Variants in PCDHGB2 observed in about 807,000 individuals in gnomAD.
PCDHGB2 encodes protocadherin gamma-B2.
A neutral mutation model predicts 59.3 loss-of-function variants in PCDHGB2; 55 were observed. The ratio of observed to expected loss-of-function variants is 0.93; its 90% CI spans 0.75 to 1.16. The LOEUF is 1.16. PCDHGB2 is among the 50% of genes most tolerant of loss of function. PCDHGB2 has a pLI of 0.00. For missense variants in PCDHGB2, 1,228 were observed against 1,198.5 expected, an observed-to-expected ratio of 1.02 and a Z score of -0.36; for synonymous variants, 516 against 512.0, an observed-to-expected ratio of 1.01 and a Z score of -0.11.
rs1177173734 is a variant in PCDHGB2, at chr5:141,491,741, G to T, written c.2422-3066G>T. 1.3e-6 allele frequency: 2 copies of T among 1,595,762 alleles called. No individual in the cohort carries two copies. On this transcript the variant is annotated intron_variant, in intron 1 of 3. Transcript: ENST00000522605. This position sits in a 1 kb window ranked among gnomAD's most constrained non-coding sequence, Gnocchi z 6.9. ...CCGCCCCGGGCGACCCCTGGGGGCG[G>T]CACTGGAGAAGCCGCCCGTCCTCAT... is the stretch of plus-strand genomic sequence containing the variant.
rs188066304 is a variant in PCDHGB2, at chr5:141,450,907, C to T, written c.2422-43900C>T. On this transcript the variant is annotated intron_variant, in intron 1 of 3. Coordinates refer to ENST00000522605, the MANE Select transcript of PCDHGB2 (RefSeq NM_018923.3). ...TGGTGCGATATCGGCTCACTGCAAC[C>T]GCTGCCTCCCAGATTCAAGCAATTC... is the stretch of plus-strand genomic sequence containing the variant. 6.7e-3 allele frequency among the ~76,000 whole-genome samples: 1,004 copies of T among 150,024 alleles called. 12 individuals carry two copies. The highest frequency in any genetic ancestry group is 0.024 in the African/African-American group (970 of 40,702).
chr5:141,393,007 G>A (rs1486010375), intron 1 of PCDHGB2: 3 of 1,613,850 alleles, frequency 1.9e-6, no homozygotes, highest in East Asian at 2.2e-5. Context: ...CACGGAGTCC[G>A]TATCGTCTCC....
intron 1 of PCDHGB2, chr5:141,400,577 T>G: frequency 6.2e-7 from 1 of 1,611,914 alleles, no homozygotes; most frequent in East Asian, 2.2e-5. Flanking sequence ...TTTTCTGTAT[T>G]TACATGAAAC....
chr5:141,470,476 A>G (rs1009129571), intron 1 of PCDHGB2, among the ~76,000 whole-genome samples: 7 of 152,128 alleles, frequency 4.6e-5, no homozygotes, highest in African/African-American at 1.7e-4. Context: ...GATATTACTA[A>G]CCCTCTGGGA....
At chr5:141,413,070 T>G (rs990993849) in intron 1 of PCDHGB2, 1 of 1,195,014 alleles carries the variant, frequency 8.4e-7, no homozygotes, top group African/African-American at 1.5e-5. Context: ...GAATTTAAAG[T>G]GCCCAGGCTA....
At chr5:141,371,541 C>G in intron 1 of PCDHGB2, 1 of 1,613,764 alleles carries the variant, frequency 6.2e-7, no homozygotes, top group Non-Finnish European at 8.5e-7. Flanking sequence ...TGGAGAAATC[C>G]TATGCCAACT....
At chr5:141,456,342 G>A (rs1439003615) in intron 1 of PCDHGB2, among the ~76,000 whole-genome samples, 1 of 152,114 alleles carries the variant, frequency 6.6e-6, no homozygotes, top group African/African-American at 2.4e-5. Context: ...AAGGGTCCTC[G>A]GAAGAATGGC....
At chr5:141,458,820 C>T (rs2098954225) in intron 1 of PCDHGB2, among the ~76,000 whole-genome samples, 1 of 152,070 alleles carries the variant, frequency 6.6e-6, no homozygotes, top group African/African-American at 2.4e-5. Flanking sequence ...GCAACCTCTG[C>T]CTCCCAGGCT....
chr5:141,424,195 A>C (rs2096804945), intron 1 of PCDHGB2: 1 of 183,680 alleles, frequency 5.4e-6, no homozygotes, highest in Non-Finnish European at 1.1e-5. Context: ...ACACACTTAT[A>C]CACGTAAGCT....
chr5:141,415,189 A>T (rs575244490), intron 1 of PCDHGB2: 2 of 1,613,840 alleles, frequency 1.2e-6, no homozygotes, highest in Non-Finnish European at 1.7e-6. Context: ...GGCCGACAGC[A>T]TCCCCCAAGT....
chr5:141,506,994 G>A (rs1053891468), intron 3 of PCDHGB2: 1 of 152,126 alleles, frequency 6.6e-6, no homozygotes, highest in Non-Finnish European at 1.5e-5. Context: ...TCTCACACTC[G>A]ACAGATGAGA....
intron 1 of PCDHGB2, chr5:141,419,310 A>G: frequency 6.2e-7 from 1 of 1,613,948 alleles, no homozygotes; most frequent in Non-Finnish European, 8.5e-7. Flanking sequence ...TTCGGGCTCA[A>G]CGGCCGTGTC....
chr5:141,408,863 C>T, intron 1 of PCDHGB2: 1 of 1,613,604 alleles, frequency 6.2e-7, no homozygotes, highest in Non-Finnish European at 8.5e-7. Context: ...AGGGGACCCA[C>T]CAAGAAGTGC....
chr5:141,378,320 CGA>C (rs1285013125), intron 1 of PCDHGB2: 1 of 152,164 alleles, frequency 6.6e-6, no homozygotes, highest in Admixed American at 6.5e-5. Flanking sequence ...GTCAGGAGTT[CGA>C]GACCAGCCTG....
chr5:141,475,167 G>A (rs529813171), intron 1 of PCDHGB2, among the ~76,000 whole-genome samples: 4 of 152,042 alleles, frequency 2.6e-5, no homozygotes, highest in Admixed American at 6.6e-5. Flanking sequence ...CATTAGCAGT[G>A]CAACTTCTTG....
chr5:141,469,213 G>A (rs866405809), intron 1 of PCDHGB2, among the ~76,000 whole-genome samples: 21 of 150,912 alleles, frequency 1.4e-4, no homozygotes, highest in African/African-American at 5.1e-4. Flanking sequence ...TGAAGTTGAG[G>A]CTTCAGTGAG....
At chr5:141,407,328 A>G (rs1016529734) in intron 1 of PCDHGB2, among the ~76,000 whole-genome samples, 1 of 152,210 alleles carries the variant, frequency 6.6e-6, no homozygotes, top group Admixed American at 6.5e-5. Flanking sequence ...ATTTATAAAT[A>G]TTGAAATGTA....
chr5:141,394,085 C>T, intron 1 of PCDHGB2: 3 of 1,613,886 alleles, frequency 1.9e-6, no homozygotes, highest in Non-Finnish European at 2.5e-6. Flanking sequence ...CAGTGATGGC[C>T]TCAGATCTAG....
Position 141,505,432 on chromosome 5 carries a change from C to T in PCDHGB2, c.2520C>T (p.Asn840=), listed in dbSNP as rs776731214. Residue 840 remains asparagine, a synonymous_variant, in exon 3 of 4, where the codon AAC becomes AAT. Transcript: ENST00000522605. ...ATGACACCGGCACCTGGCCCAACAA[C>T]CAGTTTGACACAGAGATGCTGCAAG... ...NGDDTGTWPN[N]QFDTEMLQAM... 6.2e-7 allele frequency: 1 copy of T among 1,614,252 alleles called. No homozygotes were observed. Among genetic ancestry groups the T allele is most frequent in the Non-Finnish European group, 8.5e-7 (1 of 1,180,048 alleles).
Sources: gnomAD v4.1 joint callset for allele counts (sites outside exome capture counted in the v4.1 genomes callset) on GRCh38, gnomAD v4.1.1 for gene constraint, Gnocchi (gnomAD v3.1) non-coding constraint, MANE v1.5 for transcripts, NCBI Gene and HGNC (gene_info 2026-07-23, HGNC 2026-07-21) for gene names.